DAAM2: variants seen among roughly 807,000 people sequenced by gnomAD.
The protein encoded by DAAM2 is dishevelled associated activator of morphogenesis 2.
A neutral mutation model predicts 120.7 loss-of-function variants in DAAM2; 39 were observed. The observed-to-expected ratio is 0.32, with a 90% CI of 0.25 to 0.42. The LOEUF is 0.42. Ranked by LOEUF, DAAM2 falls within the 10% of genes least tolerant of loss-of-function variation. The pLI, the probability that DAAM2 is intolerant of heterozygous loss-of-function variation, is 1.00. For missense variants in DAAM2, 1,283 were observed against 1,401.7 expected (o/e 0.92, Z 1.35); for synonymous variants, 488 against 524.9 (o/e 0.93, Z 0.96).
intron 1 of DAAM2, among the ~76,000 whole-genome samples, chr6:39,848,228 C>T (rs1005526617): frequency 1.3e-5 from 2 of 152,170 alleles, no homozygotes; most frequent in South Asian, 2.1e-4. Context: ...GGCCTGGAGC[C>T]GCACCTCCTT....
intron 14 of DAAM2, chr6:39,883,515 T>G (rs1765230916): frequency 1.9e-5 from 3 of 160,826 alleles, no homozygotes; most frequent in African/African-American, 7.2e-5. Flanking sequence ...GCTGCAGCTT[T>G]GAGGATCCAA....
chr6:39,888,833 C>T (rs1562057020), intron 17 of DAAM2, 70 bp downstream of exon 17: 4 of 1,179,670 alleles, frequency 3.4e-6, no homozygotes, highest in South Asian at 1.4e-5. Context: ...CAACAGCCCC[C>T]AGGAGGCTGC....
chr6:39,831,179 C>A (rs916199449), intron 1 of DAAM2, among the ~76,000 whole-genome samples: 5 of 152,048 alleles, frequency 3.3e-5, no homozygotes, highest in African/African-American at 1.2e-4. Context: ...GAATGATAGA[C>A]AAAAATGCCC....
chr6:39,865,994 C>A (rs866113544), intron 5 of DAAM2, among the ~76,000 whole-genome samples: 1 of 152,270 alleles, frequency 6.6e-6, no homozygotes, highest in East Asian at 1.9e-4. Flanking sequence ...GCATTTACAC[C>A]ATGGAAATGA....
At chr6:39,865,206 T>A (rs995043234) in intron 5 of DAAM2, 132 bp downstream of exon 5, 2 of 649,224 alleles carry the variant, frequency 3.1e-6, no homozygotes, top group Admixed American at 4.5e-5. Context: ...CTGACTTCAC[T>A]TCCCAGCCCC....
At position 39,889,984 on chromosome 6, in the gene DAAM2, C is replaced by T. The variant is rs534683409; in HGVS notation, c.2145+1221C>T. 2.6e-5 allele frequency among the ~76,000 whole-genome samples: 4 copies of T among 152,060 alleles called. No individual in the cohort carries two copies. In the South Asian group the frequency reaches 6.2e-4, roughly 24 times the overall value. On this transcript the variant is annotated intron_variant, in intron 17 of 24. Coordinates refer to ENST00000274867, the MANE Select transcript of DAAM2 (RefSeq NM_001201427.2). Reference sequence around the variant, plus strand: ...CTTTACTAAAAATACAAAAATTAGCCAGGTGTGATGGTGCATGCCTGTAGT... The same window carrying T: ...CTTTACTAAAAATACAAAAATTAGCTAGGTGTGATGGTGCATGCCTGTAGT...
At chr6:39,898,691 A>G (rs1051870535) in intron 21 of DAAM2, among the ~76,000 whole-genome samples, 186 bp from the exon 22 acceptor site, 3 of 152,212 alleles carry the variant, frequency 2.0e-5, no homozygotes, top group Non-Finnish European at 4.4e-5. Context: ...TTATTGATGC[A>G]CAGACAGAGG....
In DAAM2 at chr6:39,847,886, C is replaced by T. The variant is rs199698605; in HGVS notation, c.-56-8361C>T. 4.6e-5 allele frequency among the ~76,000 whole-genome samples: 7 copies of T among 152,276 alleles called. No individual in the cohort carries two copies. The East Asian group carries it at 1.4e-3, about 29-fold the overall frequency. ...AGTCAAGGAACTAATCAACAGCAAG[C>T]CACACACTCTCCAATGGCTTCTTCC... is the stretch of plus-strand genomic sequence containing the variant. On this transcript the variant is annotated intron_variant, in intron 1 of 24. Transcript: ENST00000274867.
intron 21 of DAAM2, 187 bp downstream of exon 21, chr6:39,897,469 A>AAAG: frequency 1.9e-6 from 1 of 527,160 alleles, no homozygotes; most frequent in Admixed American, 3.4e-5. Context: ...ATGTATTGCA[A>AAAG]AAGAAGATAT....
intron 1 of DAAM2, among the ~76,000 whole-genome samples, chr6:39,850,382 G>A (rs1035995644): frequency 2.6e-5 from 4 of 152,018 alleles, no homozygotes; most frequent in South Asian, 2.1e-4. Flanking sequence ...GGCTGGACCC[G>A]GTCCTCCTTC....
chr6:39,888,536 GA>G, intron 16 of DAAM2, 142 bp from the exon 17 acceptor site: 1 of 603,696 alleles, frequency 1.7e-6, no homozygotes, highest in Non-Finnish European at 2.9e-6. Context: ...TCTAATCTAA[GA>G]AGGCTTTGTA....
chr6:39,801,379 T>C (rs1761857897), intron 1 of DAAM2, among the ~76,000 whole-genome samples: 1 of 151,982 alleles, frequency 6.6e-6, no homozygotes, highest in Non-Finnish European at 1.5e-5. Flanking sequence ...ATCTGAGGGG[T>C]GTGGATGTAT....
At chr6:39,885,757 G>T (rs1337264816) in intron 15 of DAAM2, 1 of 152,230 alleles carries the variant, frequency 6.6e-6, no homozygotes, top group East Asian at 1.9e-4. Flanking sequence ...TAACCTTGTT[G>T]CCTCTTCTCT....
chr6:39,871,433 G>T, intron 8 of DAAM2, 73 bp from the exon 9 acceptor site: 1 of 1,387,466 alleles, frequency 7.2e-7, no homozygotes, highest in South Asian at 1.2e-5. Flanking sequence ...GGGGCTCGAA[G>T]GGGCTGTAAC....
Position 39,879,187 on chromosome 6 carries a change from G to A in DAAM2, c.1555G>A (p.Val519Ile), listed in dbSNP as rs1050689875. 2 of 1,547,798 alleles carry A rather than the reference G, an allele frequency of 1.3e-6. No homozygotes were observed. Among genetic ancestry groups the A allele is most frequent in the Non-Finnish European group, 1.7e-6 (2 of 1,145,094 alleles). The stretch of plus-strand genomic sequence containing the variant: ...TTCTGTTTCCTCACAGACAGGCCCT[G>A]TATCTTCCCCACCACCCCCTGGGGG... Reference protein sequence around the residue: ...AQLSELSTGPVSSPPPPGGPL... With the variant: ...AQLSELSTGPISSPPPPGGPL... Residue 519 changes from valine to isoleucine, a missense_variant, in exon 14 of 25, where the codon GTA (valine) becomes ATA (isoleucine). Val to Ile is a conservative substitution (Grantham distance 29, BLOSUM62 3). This residue lies in a region of DAAM2 where 748 missense variants were observed against 768.6 expected (regional missense o/e 0.97). Transcript: ENST00000274867.
chr6:39,843,681 G>A (rs530355472), intron 1 of DAAM2, among the ~76,000 whole-genome samples: 10 of 152,312 alleles, frequency 6.6e-5, no homozygotes, highest in Non-Finnish European at 1.2e-4. Context: ...TGCCCAGCTC[G>A]CATGCCCAAG....
chr6:39,830,521 C>T (rs1020551750), intron 1 of DAAM2, among the ~76,000 whole-genome samples: 3 of 152,156 alleles, frequency 2.0e-5, no homozygotes, highest in African/African-American at 4.8e-5. Context: ...GTGATGCTGA[C>T]AGACAGACCT....
intron 1 of DAAM2, among the ~76,000 whole-genome samples, chr6:39,836,548 C>G (rs1467413231): frequency 6.6e-6 from 1 of 152,168 alleles, no homozygotes; most frequent in African/African-American, 2.4e-5. Context: ...CAAAGCTGTA[C>G]CTAGAACCCA....
chr6:39,861,072 C>A, intron 3 of DAAM2, 55 bp downstream of exon 3: 1 of 1,400,488 alleles, frequency 7.1e-7, no homozygotes, highest in Non-Finnish European at 1.0e-6. Flanking sequence ...TGGGGTGGCT[C>A]TTGCTGCCTT....
Sources: allele counts gnomAD v4.1 joint callset (sites outside exome capture counted in the v4.1 genomes callset), GRCh38; gene constraint gnomAD v4.1.1; regional missense constraint gnomAD v4.1.1; transcripts MANE v1.5; gene names NCBI Gene and HGNC (gene_info 2026-07-23, HGNC 2026-07-21).